Variants in CNTN5 observed in about 807,000 individuals in gnomAD.
CNTN5 encodes the protein contactin-5.
Under a neutral mutation model 129.1 loss-of-function variants are expected in CNTN5, and 77 were observed. That is an observed-to-expected ratio of 0.60 (90% CI 0.50 to 0.72). The LOEUF (loss-of-function observed/expected upper bound fraction) is 0.72. CNTN5 is among the 30% of genes least tolerant of loss of function. The pLI, the probability that CNTN5 is intolerant of heterozygous loss-of-function variation, is 0.00. For missense variants in CNTN5, 1,478 were observed against 1,328.8 expected (o/e 1.11, Z -1.75); for synonymous variants, 509 against 465.6 (o/e 1.09, Z -1.20).
At chr11:99,721,583 C>T (rs1943174638) in intron 3 of CNTN5, among the ~76,000 whole-genome samples, 1 of 152,098 alleles carries the variant, frequency 6.6e-6, no homozygotes, top group Non-Finnish European at 1.5e-5. Flanking sequence ...ACAAAGATTT[C>T]ATGATGAAGA....
At chr11:100,189,132 C>T (rs965699535) in intron 13 of CNTN5, among the ~76,000 whole-genome samples, 29 of 152,048 alleles carry the variant, frequency 1.9e-4, no homozygotes, top group African/African-American at 6.8e-4. Flanking sequence ...GGGTACTGTG[C>T]TCTACCCTGG....
At chr11:99,296,488 C>G (rs1864396123) in intron 1 of CNTN5, among the ~76,000 whole-genome samples, 1 of 152,180 alleles carries the variant, frequency 6.6e-6, no homozygotes, top group Non-Finnish European at 1.5e-5. Context: ...AATACCAGCT[C>G]TCTTGCATGG....
chr11:99,514,600 A>C (rs1418071174), intron 2 of CNTN5, among the ~76,000 whole-genome samples: 1 of 152,080 alleles, frequency 6.6e-6, no homozygotes, highest in Non-Finnish European at 1.5e-5. Flanking sequence ...ATCCTTCACT[A>C]GCAAAAAGAT....
chr11:99,549,827 T>G (rs930811520), intron 2 of CNTN5, among the ~76,000 whole-genome samples: 2 of 152,168 alleles, frequency 1.3e-5, no homozygotes, highest in African/African-American at 4.8e-5. Flanking sequence ...ATTTCTGGCA[T>G]CAGATTCTAG....
At chr11:100,285,654 A>AT (rs1950765525) in intron 18 of CNTN5, among the ~76,000 whole-genome samples, 1 of 152,122 alleles carries the variant, frequency 6.6e-6, no homozygotes, top group African/African-American at 2.4e-5. Context: ...CTTTCTAGTT[A>AT]TTTTTTTCCT....
At chr11:99,962,230 C>T (rs1395423211) in intron 8 of CNTN5, among the ~76,000 whole-genome samples, 1 of 152,104 alleles carries the variant, frequency 6.6e-6, no homozygotes, top group Non-Finnish European at 1.5e-5. Context: ...CATATGTATA[C>T]ATGTGCCATG....
chr11:100,032,567 G>A (rs534911117), intron 9 of CNTN5, among the ~76,000 whole-genome samples: 3 of 151,846 alleles, frequency 2.0e-5, no homozygotes, highest in African/African-American at 7.3e-5. Flanking sequence ...AACTGTCAAT[G>A]TTTTCTGGCC....
At chr11:99,984,077 G>A (rs561726336) in intron 8 of CNTN5, among the ~76,000 whole-genome samples, 6 of 152,164 alleles carry the variant, frequency 3.9e-5, no homozygotes, top group East Asian at 3.9e-4. Flanking sequence ...AGACCAGCCC[G>A]GCCAACATGA....
intron 24 of CNTN5, among the ~76,000 whole-genome samples, chr11:100,351,200 A>C (rs1952403877): frequency 6.6e-6 from 1 of 151,672 alleles, no homozygotes. Context: ...TGGTTTTGAC[A>C]TACCTACATT....
At chr11:100,230,801 A>T (rs935547694) in intron 16 of CNTN5, among the ~76,000 whole-genome samples, 2 of 152,344 alleles carry the variant, frequency 1.3e-5, no homozygotes, top group Non-Finnish European at 2.9e-5. Flanking sequence ...TGCCATTTTG[A>T]AACAAATATT....
intron 1 of CNTN5, among the ~76,000 whole-genome samples, chr11:99,089,510 A>G (rs1237557757): frequency 6.6e-6 from 1 of 152,188 alleles, no homozygotes; most frequent in Non-Finnish European, 1.5e-5. Context: ...TAGCAAGTAA[A>G]TGACAGAGTC....
chr11:99,692,945 T>C (rs548399919), intron 3 of CNTN5, among the ~76,000 whole-genome samples: 1 of 152,278 alleles, frequency 6.6e-6, no homozygotes, highest in South Asian at 2.1e-4. Flanking sequence ...CAATAAATCC[T>C]GATTGTGGAA....
chr11:99,502,345 G>C (rs944961735), intron 2 of CNTN5, among the ~76,000 whole-genome samples: 1 of 152,028 alleles, frequency 6.6e-6, no homozygotes, highest in African/African-American at 2.4e-5. Context: ...CCAAATCTCA[G>C]CTTGGATTGT....
At chr11:99,328,961 T>C (rs1313173301) in intron 2 of CNTN5, among the ~76,000 whole-genome samples, 1 of 151,706 alleles carries the variant, frequency 6.6e-6, no homozygotes, top group East Asian at 1.9e-4. Context: ...TAAATACATG[T>C]ATAAGTTGGT....
chr11:99,848,459 A>G (rs1947772317), intron 6 of CNTN5, among the ~76,000 whole-genome samples: 1 of 152,166 alleles, frequency 6.6e-6, no homozygotes, highest in Admixed American at 6.5e-5. Context: ...CTAATATTTC[A>G]AAATTAATAT....
intron 3 of CNTN5, among the ~76,000 whole-genome samples, chr11:99,599,261 C>A (rs1030683647): frequency 1.3e-5 from 2 of 151,230 alleles, no homozygotes; most frequent in Non-Finnish European, 2.9e-5. Context: ...CTACAATAAC[C>A]CTTTTAAGTT....
chr11:100,298,845 C>T (rs1951155242), intron 19 of CNTN5, among the ~76,000 whole-genome samples: 1 of 151,142 alleles, frequency 6.6e-6, no homozygotes, highest in Non-Finnish European at 1.5e-5. Flanking sequence ...CAATTTTCCC[C>T]AACATGTTAA....
intron 1 of CNTN5, among the ~76,000 whole-genome samples, chr11:99,135,555 A>G (rs926947467): frequency 2.6e-5 from 4 of 152,140 alleles, no homozygotes; most frequent in African/African-American, 4.8e-5. Context: ...CATCTATGCC[A>G]TGGTAAGGAA....
intron 8 of CNTN5, among the ~76,000 whole-genome samples, chr11:99,970,611 G>T (rs952037338): frequency 6.6e-6 from 1 of 152,114 alleles, no homozygotes. Flanking sequence ...TTTAGTAAAG[G>T]TTAGCTATTA....
Sources: gnomAD v4.1 joint callset for allele counts (sites outside exome capture counted in the v4.1 genomes callset) on GRCh38, gnomAD v4.1.1 for gene constraint, MANE v1.5 for transcripts, NCBI Gene and HGNC (gene_info 2026-07-23, HGNC 2026-07-21) for gene names.